The following DNAJC27 variants were observed in gnomAD, a reference collection of about 807,000 sequenced individuals.
DNAJC27 encodes DnaJ heat shock protein family (Hsp40) member C27.
A neutral mutation model predicts 31.4 loss-of-function variants in DNAJC27; 25 were observed. That is an observed-to-expected ratio of 0.80 (90% CI 0.58 to 1.11). The LOEUF (loss-of-function observed/expected upper bound fraction) is 1.11. DNAJC27 is among the 50% of genes most tolerant of loss of function. DNAJC27 has a pLI of 0.00. For missense variants in DNAJC27, 356 were observed against 347.3 expected (o/e 1.02, Z -0.20); for synonymous variants, 106 against 112.7 (o/e 0.94, Z 0.37).
chr2:24,959,928 C>T (rs929238335), intron 3 of DNAJC27, among the ~76,000 whole-genome samples: 2 of 152,198 alleles, frequency 1.3e-5, no homozygotes, highest in Non-Finnish European at 2.9e-5. Context: ...TGAAGACATG[C>T]ATCATCTTCA....
At position 24,971,817 on chromosome 2, in the gene DNAJC27, C is replaced by G; in HGVS notation, c.87+1G>C. The G allele has an allele frequency of 6.2e-7, 1 of 1,607,852 alleles. No individual in the cohort carries two copies. The highest frequency in any genetic ancestry group is 8.5e-7 in the Non-Finnish European group (1 of 1,177,914). On this transcript the variant is annotated splice_donor_variant, in intron 1 of 6. Coordinates refer to ENST00000264711, the MANE Select transcript of DNAJC27 (RefSeq NM_016544.3). LOFTEE classifies it high-confidence loss of function. ...CGCCCCTCCCGGCTCGCTGTACTCA[C>G]TTTCCCCACTTCGGCGTTGCCCATG...
rs374122043 is a variant in DNAJC27, at chr2:24,958,865, G to A, written c.241-891C>T. 2.6e-4 allele frequency among the ~76,000 whole-genome samples: 39 copies of A among 152,286 alleles called. 1 individual carries two copies. The highest frequency in any genetic ancestry group is 9.1e-4 in the African/African-American group (38 of 41,558). The stretch of plus-strand genomic sequence containing the variant: ...GGTTTCCGGGACAAAGTTCCAGAAA[G>A]AATCCTGACAGAGCCCATATATTAT... On this transcript the variant is annotated intron_variant, in intron 3 of 6. Coordinates refer to ENST00000264711, the MANE Select transcript of DNAJC27 (RefSeq NM_016544.3).
chr2:24,962,753 C>T (rs570791394), intron 3 of DNAJC27, among the ~76,000 whole-genome samples: 15 of 152,076 alleles, frequency 9.9e-5, no homozygotes, highest in African/African-American at 3.4e-4. Flanking sequence ...AATCTAAGAT[C>T]CCACCTCAAG....
chr2:24,957,787 C>T, intron 4 of DNAJC27, 23 bp downstream of exon 4: 1 of 1,607,074 alleles, frequency 6.2e-7, no homozygotes, highest in Non-Finnish European at 8.5e-7. Flanking sequence ...GAAATCTGAA[C>T]ACACCATTTC....
rs79253825 is a variant in DNAJC27, at chr2:24,969,393, T to C, written c.88-2100A>G. On this transcript the variant is annotated intron_variant, in intron 1 of 6. Coordinates refer to ENST00000264711, the MANE Select transcript of DNAJC27 (RefSeq NM_016544.3). ...CATGGGAATGCATGCAAAGCTCTCA[T>C]AGACATCCAAGGAAGGTTTACCGAA... 8.4e-3 allele frequency: 1,510 copies of C among 179,138 alleles called. 20 individuals are homozygous for C. The highest frequency in any genetic ancestry group is 0.035 in the African/African-American group (1,449 of 41,860). The allele number at this position is 179,138 out of a possible 1,614,324, so 11.1% of individuals were successfully genotyped here.
intron 1 of DNAJC27, chr2:24,971,604 C>T: frequency 2.1e-6 from 1 of 483,602 alleles, no homozygotes; most frequent in Non-Finnish European, 3.7e-6. Flanking sequence ...GACACCATCT[C>T]CGGAAGAGTG....
At chr2:24,959,473 C>T (rs2149126546) in intron 3 of DNAJC27, among the ~76,000 whole-genome samples, 1 of 152,328 alleles carries the variant, frequency 6.6e-6, no homozygotes, top group South Asian at 2.1e-4. Flanking sequence ...CTGTTGGAAT[C>T]TCAAATTCAA....
chr2:24,971,632 G>A (rs1232292820), intron 1 of DNAJC27, 186 bp downstream of exon 1: 3 of 506,036 alleles, frequency 5.9e-6, no homozygotes, highest in Admixed American at 3.9e-5. Context: ...AGGACGAGGG[G>A]GCAACGGAAA....
At chr2:24,958,918 T>C (rs1332322685) in intron 3 of DNAJC27, among the ~76,000 whole-genome samples, 1 of 152,202 alleles carries the variant, frequency 6.6e-6, no homozygotes, top group Non-Finnish European at 1.5e-5. Context: ...TTCCCAAATG[T>C]ACTCAGACCC....
At chr2:24,971,697 C>G (rs1012337666) in intron 1 of DNAJC27, 121 bp downstream of exon 1, 1 of 818,490 alleles carries the variant, frequency 1.2e-6, no homozygotes, top group Non-Finnish European at 1.8e-6. Flanking sequence ...GGCTGAGACC[C>G]GGGCCTGCTC....
intron 3 of DNAJC27, among the ~76,000 whole-genome samples, chr2:24,961,033 C>A (rs1328896759): frequency 1.3e-5 from 2 of 152,156 alleles, no homozygotes; most frequent in Non-Finnish European, 2.9e-5. Context: ...ACTTTCAAGG[C>A]TAGAGAGGAA....
Position 24,963,417 on chromosome 2 carries a change from G to A in DNAJC27, c.228C>T (p.Pro76=), listed in dbSNP as rs774430161. The A allele has an allele frequency of 1.7e-5, 28 of 1,613,372 alleles. No individual in the cohort carries two copies. The highest frequency in any genetic ancestry group is 2.3e-5 in the Non-Finnish European group (27 of 1,179,600). Residue 76 remains proline, a synonymous_variant, in exon 3 of 7, where the codon CCC becomes CCT. Transcript: ENST00000264711. The stretch of plus-strand genomic sequence containing the variant: ...AAGGCTTTCTTACCTCATAGAAGAA[G>A]GGATGTCCAGCCATATCAAAGATGT... ...KVNIFDMAGH[P]FFYEVRNEFY...
In DNAJC27 at chr2:24,957,448, A is replaced by T. The variant is rs180947281; in HGVS notation, c.406-283T>A. ...CAGTTCTGTGAAAGTTGGCTTCATG[A>T]CATCTGCCATACCCTTGGGGCCATA... On this transcript the variant is annotated intron_variant, in intron 4 of 6. Coordinates refer to ENST00000264711, the MANE Select transcript of DNAJC27 (RefSeq NM_016544.3). Among the ~76,000 whole-genome samples, 425 of 152,256 alleles carry T rather than the reference A, an allele frequency of 2.8e-3. 1 individual carries two copies. The highest frequency in any genetic ancestry group is 4.9e-3 in the Non-Finnish European group (331 of 68,022).
intron 1 of DNAJC27, chr2:24,971,564 G>A: frequency 2.8e-6 from 1 of 350,900 alleles, no homozygotes; most frequent in East Asian, 4.7e-5. Flanking sequence ...ACTCTTTTGG[G>A]GGTACATTCA....
At chr2:24,968,797 C>T (rs1052376947) in intron 1 of DNAJC27, among the ~76,000 whole-genome samples, 2 of 152,158 alleles carry the variant, frequency 1.3e-5, no homozygotes, top group African/African-American at 2.4e-5. Context: ...GGGTTTATTA[C>T]TGGACTCTAC....
chr2:24,966,953 G>A (rs1666199978), intron 2 of DNAJC27, among the ~76,000 whole-genome samples: 1 of 152,204 alleles, frequency 6.6e-6, no homozygotes, highest in Non-Finnish European at 1.5e-5. Flanking sequence ...TAGGCTTTGT[G>A]TTGACATGTT....
chr2:24,964,184 G>C (rs376211045), intron 2 of DNAJC27, among the ~76,000 whole-genome samples: 3 of 152,076 alleles, frequency 2.0e-5, no homozygotes, highest in Non-Finnish European at 4.4e-5. Context: ...ACTGTGGGAG[G>C]CCGAGATGGG....
At chr2:24,971,537 G>C (rs1426541862) in intron 1 of DNAJC27, 1 of 281,768 alleles carries the variant, frequency 3.5e-6, no homozygotes, top group Non-Finnish European at 6.7e-6. Flanking sequence ...GCCCCTCATG[G>C]GGACCCAGGC....
At chr2:24,971,672 G>A in intron 1 of DNAJC27, 146 bp downstream of exon 1, 1 of 599,412 alleles carries the variant, frequency 1.7e-6, no homozygotes, top group East Asian at 3.4e-5. Flanking sequence ...TTTCGTTCGC[G>A]GAGCCGCACC....
Sources: gnomAD v4.1 joint callset for allele counts (sites outside exome capture counted in the v4.1 genomes callset) on GRCh38, gnomAD v4.1.1 for gene constraint, MANE v1.5 for transcripts, NCBI Gene and HGNC (gene_info 2026-07-23, HGNC 2026-07-21) for gene names.